The following NOS1AP variants were observed in gnomAD, a reference collection of about 807,000 sequenced individuals.
NOS1AP encodes the protein carboxyl-terminal PDZ ligand of neuronal nitric oxide synthase protein.
A neutral mutation model predicts 56.2 loss-of-function variants in NOS1AP; 21 were observed. The observed-to-expected ratio is 0.37, with a 90% CI of 0.26 to 0.54. The LOEUF (loss-of-function observed/expected upper bound fraction) is 0.54. Ranked by LOEUF, NOS1AP falls within the 20% of genes least tolerant of loss-of-function variation. The pLI is 0.84. For synonymous variants in NOS1AP, 270 were observed against 274.6 expected (o/e 0.98, Z 0.17); for missense variants, 522 against 657.8 (o/e 0.79, Z 2.26).
intron 1 of NOS1AP, among the ~76,000 whole-genome samples, chr1:162,089,701 G>A (rs545888023): frequency 1.3e-5 from 2 of 152,262 alleles, no homozygotes; most frequent in South Asian, 4.2e-4. Flanking sequence ...ACACAGAAGA[G>A]GAAAAGACAG....
chr1:162,257,333 A>T (rs1315850162), intron 2 of NOS1AP, among the ~76,000 whole-genome samples: 1 of 152,028 alleles, frequency 6.6e-6, no homozygotes, highest in Non-Finnish European at 1.5e-5. Context: ...GTGCTGCTGG[A>T]GGTAGCTACT....
At chr1:162,134,983 A>G (rs1208446844) in intron 1 of NOS1AP, among the ~76,000 whole-genome samples, 1 of 152,196 alleles carries the variant, frequency 6.6e-6, no homozygotes, top group East Asian at 1.9e-4. Context: ...ATGCACGCTG[A>G]TGTTCCTGCC....
At chr1:162,154,502 G>T (rs1195462276) in intron 2 of NOS1AP, 26 bp downstream of exon 2, 1 of 1,611,770 alleles carries the variant, frequency 6.2e-7, no homozygotes. Context: ...TGGACTGTGT[G>T]GAGCGGGGAG....
intron 8 of NOS1AP, chr1:162,363,994 A>T: frequency 1.0e-6 from 1 of 985,430 alleles, no homozygotes; most frequent in Non-Finnish European, 1.2e-6. Context: ...CAGCCACGGT[A>T]TCCACAAGTG....
intron 2 of NOS1AP, among the ~76,000 whole-genome samples, chr1:162,163,290 G>A (rs542728987): frequency 2.0e-5 from 3 of 152,238 alleles, no homozygotes; most frequent in South Asian, 2.1e-4. Flanking sequence ...ATTGAGCAGC[G>A]TGTGATGGAA....
intron 2 of NOS1AP, among the ~76,000 whole-genome samples, chr1:162,248,652 C>T (rs925308368): frequency 2.0e-5 from 3 of 152,142 alleles, no homozygotes; most frequent in Non-Finnish European, 2.9e-5. Context: ...ATGAGCCTCA[C>T]AACTGAATGT....
chr1:162,155,082 C>A, intron 2 of NOS1AP, among the ~76,000 whole-genome samples: 1 of 151,338 alleles, frequency 6.6e-6, no homozygotes. Context: ...TAAGGGAGGA[C>A]AAAGAAATTG....
intron 2 of NOS1AP, among the ~76,000 whole-genome samples, chr1:162,265,562 C>CG (rs1654396851): frequency 1.5e-4 from 1 of 6,498 alleles, no homozygotes; most frequent in Admixed American, 3.3e-3. Context: ...ATGAACTCAT[C>CG]ATTTTTTTAT....
At chr1:162,121,068 C>T (rs1469688889) in intron 1 of NOS1AP, among the ~76,000 whole-genome samples, 1 of 142,812 alleles carries the variant, frequency 7.0e-6, no homozygotes, top group Non-Finnish European at 1.5e-5. Context: ...TGCTAAAGAA[C>T]TTGGCACACT....
At chr1:162,123,731 AC>A (rs1431735699) in intron 1 of NOS1AP, among the ~76,000 whole-genome samples, 4 of 151,954 alleles carry the variant, frequency 2.6e-5, no homozygotes, top group Admixed American at 2.6e-4. Context: ...TTTACCCTTC[AC>A]CCCGCTTTCC....
intron 2 of NOS1AP, among the ~76,000 whole-genome samples, chr1:162,229,913 A>G (rs1653069209): frequency 6.6e-6 from 1 of 152,176 alleles, no homozygotes; most frequent in African/African-American, 2.4e-5. Context: ...TTTTTTCATT[A>G]CTAATGGTAT....
At chr1:162,281,273 C>T (rs1654916256) in intron 2 of NOS1AP, among the ~76,000 whole-genome samples, 1 of 152,212 alleles carries the variant, frequency 6.6e-6, no homozygotes, top group Admixed American at 6.5e-5. Context: ...TGGTAATTAA[C>T]TTCTGGAAGG....
rs551813878 is a variant in NOS1AP at position 162,250,270 on chromosome 1, T to C, written c.178-37074T>C. Reference sequence around the variant, plus strand: ...CAAGGTGTTATCTGATCATTGAAGTTAGCCTTCCTAGGGATGTTGACCTTT... The same window carrying C: ...CAAGGTGTTATCTGATCATTGAAGTCAGCCTTCCTAGGGATGTTGACCTTT... On this transcript the variant is annotated intron_variant, in intron 2 of 9. Transcript: ENST00000361897. Among the ~76,000 whole-genome samples, 11 of 152,280 alleles carry C rather than the reference T, an allele frequency of 7.2e-5. No homozygotes were observed. In the East Asian group the frequency reaches 2.1e-3, roughly 29 times the overall value.
chr1:162,192,237 A>G (rs999308916), intron 2 of NOS1AP, among the ~76,000 whole-genome samples: 1 of 152,138 alleles, frequency 6.6e-6, no homozygotes, highest in African/African-American at 2.4e-5. Context: ...AAGCTTGACA[A>G]CTGCTGGTCT....
chr1:162,306,500 T>C (rs558824788), intron 4 of NOS1AP, among the ~76,000 whole-genome samples: 82 of 152,324 alleles, frequency 5.4e-4, no homozygotes, highest in African/African-American at 2.0e-3. Flanking sequence ...ATTATTCTTG[T>C]GGGCAACCGT....
intron 3 of NOS1AP, among the ~76,000 whole-genome samples, chr1:162,297,694 A>C (rs1655515273): frequency 6.6e-6 from 1 of 152,160 alleles, no homozygotes; most frequent in Admixed American, 6.5e-5. Flanking sequence ...AGCCGAGGCA[A>C]CTGTAGTTTA....
At chr1:162,075,530 T>A (rs1691749078) in intron 1 of NOS1AP, among the ~76,000 whole-genome samples, 1 of 152,202 alleles carries the variant, frequency 6.6e-6, no homozygotes, top group Non-Finnish European at 1.5e-5. Flanking sequence ...CCCTGACTCG[T>A]CTGAGCCTGC....
At chr1:162,074,025 G>A (rs922606852) in intron 1 of NOS1AP, among the ~76,000 whole-genome samples, 1 of 152,140 alleles carries the variant, frequency 6.6e-6, no homozygotes, top group Non-Finnish European at 1.5e-5. Context: ...GGGTACAAAG[G>A]ATAATAAGAG....
chr1:162,270,730 G>A (rs1158766727), intron 2 of NOS1AP, among the ~76,000 whole-genome samples: 3 of 152,180 alleles, frequency 2.0e-5, no homozygotes, highest in Admixed American at 2.0e-4. Flanking sequence ...ATTTTATATA[G>A]GTCAGTGATT....
Sources: gnomAD v4.1 joint callset for allele counts (sites outside exome capture counted in the v4.1 genomes callset) on GRCh38, gnomAD v4.1.1 for gene constraint, MANE v1.5 for transcripts, NCBI Gene and HGNC (gene_info 2026-07-23, HGNC 2026-07-21) for gene names.